CACNB2: variants seen among roughly 807,000 people sequenced by gnomAD.
CACNB2 encodes calcium voltage-gated channel auxiliary subunit beta 2.
Under a neutral mutation model 73.3 loss-of-function variants are expected in CACNB2, and 42 were observed. The observed-to-expected ratio is 0.57, with a 90% CI of 0.45 to 0.74. The LOEUF is 0.74. Ranked by LOEUF, CACNB2 falls within the 30% of genes least tolerant of loss-of-function variation. The pLI is 0.00. For missense variants in CACNB2, 940 were observed against 853.0 expected (o/e 1.10, Z -1.27); for synonymous variants, 348 against 310.3 (o/e 1.12, Z -1.28).
At chr10:18,528,839 TTTTTA>T (rs1375758612) in intron 10 of CACNB2, among the ~76,000 whole-genome samples, 2 of 152,214 alleles carry the variant, frequency 1.3e-5, no homozygotes, top group African/African-American at 4.8e-5. Context: ...CAAGAATTAC[TTTTTA>T]TTTTGACTTT....
intron 5 of CACNB2, among the ~76,000 whole-genome samples, chr10:18,503,873 A>C (rs1016493702): frequency 2.6e-5 from 4 of 152,188 alleles, no homozygotes; most frequent in African/African-American, 9.7e-5. Flanking sequence ...GTACACTGTG[A>C]ATCTCTGGTG....
At chr10:18,509,315 T>G (rs1171744227) in intron 6 of CACNB2, among the ~76,000 whole-genome samples, 6 of 152,178 alleles carry the variant, frequency 3.9e-5, no homozygotes, top group African/African-American at 1.4e-4. Context: ...CCAAAGAATA[T>G]AAGTATCTGC....
At chr10:18,333,417 G>A (rs2040879110) in intron 2 of CACNB2, among the ~76,000 whole-genome samples, 1 of 150,386 alleles carries the variant, frequency 6.6e-6, no homozygotes, top group African/African-American at 2.5e-5. Context: ...AATAGCAATA[G>A]CTCAGTTGGA....
intron 2 of CACNB2, among the ~76,000 whole-genome samples, chr10:18,162,583 A>G (rs1452934196): frequency 1.3e-5 from 2 of 152,178 alleles, no homozygotes; most frequent in African/African-American, 2.4e-5. Context: ...TGTCAATTAG[A>G]TTATTATTAA....
At chr10:18,438,292 G>T (rs902023327) in intron 3 of CACNB2, among the ~76,000 whole-genome samples, 4 of 149,946 alleles carry the variant, frequency 2.7e-5, no homozygotes, top group Non-Finnish European at 5.9e-5. Flanking sequence ...GCCTCCCAAA[G>T]GGCTGGGATT....
rs1476984887 is a variant in CACNB2, at chr10:18,332,062, G to C, written c.214-69862G>C. 8.5e-5 allele frequency among the ~76,000 whole-genome samples: 13 copies of C among 152,262 alleles called. No homozygotes were observed. In the East Asian group the frequency reaches 2.5e-3, roughly 29 times the overall value. On this transcript the variant is annotated intron_variant, in intron 2 of 13. Transcript: ENST00000324631. ...GATGAAGGGGCAGAGAGAGGGGAGA[G>C]GACGTCTGAGATGTGAGTGGAAGCC...
intron 2 of CACNB2, among the ~76,000 whole-genome samples, chr10:18,298,235 G>T (rs928470205): frequency 6.6e-6 from 1 of 152,116 alleles, no homozygotes; most frequent in Non-Finnish European, 1.5e-5. Flanking sequence ...TGGGCATGGT[G>T]GTGGGCGCCT....
intron 3 of CACNB2, among the ~76,000 whole-genome samples, chr10:18,482,930 G>A (rs2048862217): frequency 6.6e-6 from 1 of 152,194 alleles, no homozygotes; most frequent in Admixed American, 6.5e-5. Context: ...TGGAGCATCT[G>A]TCATTTTAGA....
At chr10:18,151,003 TA>T (rs780783844) in intron 2 of CACNB2, 28 bp downstream of exon 2, 13 of 1,333,246 alleles carry the variant, frequency 9.8e-6, no homozygotes, top group Non-Finnish European at 1.1e-6. Flanking sequence ...ATGGTTTTGA[TA>T]AGTACCTTAA....
At chr10:18,232,375 C>T (rs1327546466) in intron 2 of CACNB2, among the ~76,000 whole-genome samples, 1 of 152,166 alleles carries the variant, frequency 6.6e-6, no homozygotes, top group Non-Finnish European at 1.5e-5. Flanking sequence ...CATCCAAGAT[C>T]TGAGCACAGA....
chr10:18,187,585 C>CT (rs1028334541), intron 2 of CACNB2, among the ~76,000 whole-genome samples: 16 of 150,664 alleles, frequency 1.1e-4, no homozygotes, highest in South Asian at 4.2e-4. Flanking sequence ...TTATATTTTT[C>CT]TTTTTTTTTA....
chr10:18,418,672 C>T (rs1472600672), intron 3 of CACNB2, among the ~76,000 whole-genome samples: 1 of 152,150 alleles, frequency 6.6e-6, no homozygotes, highest in Non-Finnish European at 1.5e-5. Flanking sequence ...GTAGCCAGTC[C>T]AGCTATTTCT....
At chr10:18,426,575 C>G (rs1377363603) in intron 3 of CACNB2, among the ~76,000 whole-genome samples, 1 of 152,196 alleles carries the variant, frequency 6.6e-6, no homozygotes, top group African/African-American at 2.4e-5. Context: ...CACAGTGTCT[C>G]ACACCTGTAA....
intron 2 of CACNB2, among the ~76,000 whole-genome samples, chr10:18,333,674 A>G (rs1462738409): frequency 6.6e-6 from 1 of 152,232 alleles, no homozygotes; most frequent in African/African-American, 2.4e-5. Context: ...CTGTCTGGCT[A>G]ACACGTACCA....
chr10:18,173,679 T>A (rs1489894390), intron 2 of CACNB2, among the ~76,000 whole-genome samples: 1 of 152,230 alleles, frequency 6.6e-6, no homozygotes, highest in Non-Finnish European at 1.5e-5. Flanking sequence ...CTGTGGGTTC[T>A]GAATATAGAG....
intron 2 of CACNB2, among the ~76,000 whole-genome samples, chr10:18,356,994 G>C (rs1313247312): frequency 2.4e-5 from 3 of 126,056 alleles, no homozygotes; most frequent in African/African-American, 9.2e-5. Flanking sequence ...GCCCAGGCTG[G>C]AGTGCAGTGG....
chr10:18,463,425 G>A (rs943705979), intron 3 of CACNB2, among the ~76,000 whole-genome samples: 5 of 151,708 alleles, frequency 3.3e-5, no homozygotes, highest in African/African-American at 9.7e-5. Context: ...TCTCTTTTTG[G>A]AATCAAGGTC....
At chr10:18,532,808 A>G (rs2053197825) in intron 10 of CACNB2, among the ~76,000 whole-genome samples, 1 of 152,106 alleles carries the variant, frequency 6.6e-6, no homozygotes, top group African/African-American at 2.4e-5. Flanking sequence ...CTGTCTGAAC[A>G]CTTAACAGAT....
At chr10:18,502,709 A>AC (rs2050269793) in intron 5 of CACNB2, among the ~76,000 whole-genome samples, 1 of 95,448 alleles carries the variant, frequency 1.0e-5, no homozygotes, top group African/African-American at 4.0e-5. Context: ...AAAAAAAAAA[A>AC]AAAAAAAAAA....
Sources: gnomAD v4.1 joint callset for allele counts (sites outside exome capture counted in the v4.1 genomes callset) on GRCh38, gnomAD v4.1.1 for gene constraint, MANE v1.5 for transcripts, NCBI Gene and HGNC (gene_info 2026-07-23, HGNC 2026-07-21) for gene names.